ANK3: variants seen among roughly 807,000 people sequenced by gnomAD.
The protein encoded by ANK3 is ankyrin-3.
A neutral mutation model predicts 370.9 loss-of-function variants in ANK3; 57 were observed. The observed-to-expected ratio is 0.15, with a 90% CI of 0.12 to 0.19. ANK3 has a LOEUF of 0.19. Ranked by LOEUF, ANK3 falls within the 10% of genes least tolerant of loss-of-function variation. The pLI is 1.00. For synonymous variants in ANK3, 1,929 were observed against 1,946.3 expected, an observed-to-expected ratio of 0.99 and a Z score of 0.23; for missense variants, 4,439 against 5,302.1, an observed-to-expected ratio of 0.84 and a Z score of 5.06.
Position 60,181,330 on chromosome 10 carries a change from T to A in ANK3, c.2183A>T (p.Lys728Met), listed in dbSNP as rs138539461. 2.4e-5 allele frequency: 39 copies of A among 1,613,918 alleles called. No homozygotes were observed. Among genetic ancestry groups the A allele is most frequent in the Non-Finnish European group, 2.9e-5 (34 of 1,179,886 alleles). The change falls in exon 18 of 44, where the codon AAG becomes ATG. Residue 728 changes from lysine (K) to methionine (M), a missense_variant and splice_region_variant. By Grantham distance (95) the Lys-to-Met change is moderately conservative. This residue lies in a region of ANK3 where 702 missense variants were observed against 941.5 expected (regional missense o/e 0.75). Transcript: ENST00000280772. ...GTGTGGCAAGGGAGGGCCGTATACC[T>A]TTGTCTGGGCGTCCACATGAGCCCC... Reference protein sequence around the residue: ...NQGAHVDAQTKMGYTPLHVGC... With the variant: ...NQGAHVDAQTMMGYTPLHVGC...
chr10:60,065,804 C>G (rs2081527138), intron 38 of ANK3, among the ~76,000 whole-genome samples: 1 of 152,028 alleles, frequency 6.6e-6, no homozygotes, highest in Admixed American at 6.6e-5. Flanking sequence ...AAAACAAAAA[C>G]AAAGTATGAA....
intron 1 of ANK3, among the ~76,000 whole-genome samples, chr10:60,373,716 A>T (rs1214387704): frequency 6.6e-6 from 1 of 152,174 alleles, no homozygotes; most frequent in Non-Finnish European, 1.5e-5. Flanking sequence ...GGCATGGAGG[A>T]TCTCTCCCTT....
intron 23 of ANK3, among the ~76,000 whole-genome samples, chr10:60,153,106 C>T (rs1045995953): frequency 2.0e-5 from 3 of 152,118 alleles, no homozygotes; most frequent in African/African-American, 7.2e-5. Context: ...CAGTGTGGTA[C>T]AGGCAGACAA....
chr10:60,100,344 C>A (rs758095840), intron 28 of ANK3, among the ~76,000 whole-genome samples: 2 of 141,520 alleles, frequency 1.4e-5, no homozygotes, highest in African/African-American at 2.6e-5. Flanking sequence ...ATTTCTCCAG[C>A]AGATGGTGCT....
chr10:60,112,724 A>C (rs1231542552), intron 26 of ANK3, among the ~76,000 whole-genome samples: 1 of 152,226 alleles, frequency 6.6e-6, no homozygotes, highest in Non-Finnish European at 1.5e-5. Context: ...GAGACAATAC[A>C]TGTAAAAGAT....
rs1157448144 is a variant in ANK3, at chr10:60,088,255, G to A, written c.3432C>T (p.Ser1144=). 5.6e-6 allele frequency: 9 copies of A among 1,614,076 alleles called. No individual in the cohort carries two copies. Among genetic ancestry groups the A allele is most frequent in the Non-Finnish European group, 5.9e-6 (7 of 1,180,022 alleles). The part of the protein sequence containing the change: ...FAVVSRIKQE[S]NQIGPEGGIL... ...TTCCACCTTCAGGACCAATCTGGTT[G>A]CTTTCCTGCTTAATCCGGGAAACCA... The change falls in exon 29 of 44, where the codon AGC becomes AGT. Residue 1144 remains serine, a synonymous_variant. Coordinates refer to ENST00000280772, the MANE Select transcript of ANK3 (RefSeq NM_020987.5).
chr10:60,338,970 T>C (rs2053651883), intron 1 of ANK3, among the ~76,000 whole-genome samples: 1 of 152,084 alleles, frequency 6.6e-6, no homozygotes, highest in African/African-American at 2.4e-5. Flanking sequence ...CATGAAGTCT[T>C]GGGGAGAGCT....
chr10:60,686,459 T>C (rs1249545270), intron 1 of ANK3, among the ~76,000 whole-genome samples: 1 of 152,204 alleles, frequency 6.6e-6, no homozygotes, highest in African/African-American at 2.4e-5. Flanking sequence ...GGGATGAAGC[T>C]ATAAAATTCA....
At chr10:60,139,318 T>C (rs1234126362) in intron 23 of ANK3, 1 of 484,862 alleles carries the variant, frequency 2.1e-6, no homozygotes, top group African/African-American at 2.0e-5. Flanking sequence ...TGGTATTAAA[T>C]ACAAATCTGA....
rs573981328 is a variant in ANK3, at chr10:60,521,987, C to T, written c.96+93199G>A. Among the ~76,000 whole-genome samples the T allele has an allele frequency of 7.9e-5, 12 of 152,172 alleles. No individual in the cohort carries two copies. In the East Asian group the frequency reaches 2.1e-3, roughly 27 times the overall value. ...AGGGGAGACTAGGTAGCATTGCTGC[C>T]ATTAAGGGACTAAGAATACCTTGGG... On this transcript the variant is annotated intron_variant, in intron 2 of 43. Coordinates refer to the ANK3 transcript ENST00000373827.
intron 43 of ANK3, among the ~76,000 whole-genome samples, chr10:60,039,489 C>T (rs1048843309): frequency 6.6e-6 from 1 of 152,178 alleles, no homozygotes; most frequent in African/African-American, 2.4e-5. Context: ...TGAGTCCTTT[C>T]ACTGTGTAGA....
chr10:60,404,124 A>G (rs910349899), intron 2 of ANK3, among the ~76,000 whole-genome samples: 1 of 152,178 alleles, frequency 6.6e-6, no homozygotes, highest in Admixed American at 6.5e-5. Flanking sequence ...AAAATCTACT[A>G]CACTCAAGGA....
intron 2 of ANK3, among the ~76,000 whole-genome samples, chr10:60,577,468 G>A (rs2077697330): frequency 6.6e-6 from 1 of 152,110 alleles, no homozygotes. Context: ...ATGGGGGCAG[G>A]TTTTCCTTGC....
In ANK3 at chr10:60,556,576, C is replaced by T. The variant is rs1183296671; in HGVS notation, c.96+58610G>A. Reference sequence around the variant, plus strand: ...AACAGTGTCACTGTCTTTATCCACACATCCAGTCCCACTATTTCCATATCT... The same window carrying T: ...AACAGTGTCACTGTCTTTATCCACATATCCAGTCCCACTATTTCCATATCT... On this transcript the variant is annotated intron_variant, in intron 2 of 43. Coordinates refer to the ANK3 transcript ENST00000373827. 3.9e-5 allele frequency among the ~76,000 whole-genome samples: 6 copies of T among 152,178 alleles called. 1 individual carries two copies. Among genetic ancestry groups the T allele is most frequent in the Admixed American group, 3.9e-4 (6 of 15,270 alleles).
chr10:60,403,935 G>A (rs1165398962), intron 2 of ANK3, among the ~76,000 whole-genome samples: 2 of 152,134 alleles, frequency 1.3e-5, no homozygotes, highest in Admixed American at 6.6e-5. Context: ...GAAATCAGCT[G>A]TATTTTGTAT....
At chr10:60,180,626 C>CAA (rs1565506436) in intron 18 of ANK3, among the ~76,000 whole-genome samples, 6 of 119,298 alleles carry the variant, frequency 5.0e-5, no homozygotes, top group African/African-American at 9.4e-5. Flanking sequence ...AAAAAAAAAA[C>CAA]ATGTTAGAGT....
intron 1 of ANK3, among the ~76,000 whole-genome samples, chr10:60,662,293 A>G (rs2078944934): frequency 6.6e-6 from 1 of 152,188 alleles, no homozygotes; most frequent in African/African-American, 2.4e-5. Context: ...GAAACATAGT[A>G]TGTGCCCACT....
In ANK3 at chr10:60,270,203, T is replaced by C; in HGVS notation, c.441A>G (p.Ala147=). 6.2e-7 allele frequency: 1 copy of C among 1,600,276 alleles called. No homozygotes were observed. The highest frequency in any genetic ancestry group is 1.1e-5 in the South Asian group (1 of 89,142). The change falls in exon 5 of 44, where the codon GCA becomes GCG. Residue 147 remains alanine, a synonymous_variant. Coordinates refer to ENST00000280772, the MANE Select transcript of ANK3 (RefSeq NM_020987.5). ...CAACTTCCAGGTGATTTTCCTGGGCTGCCATATACAATGGCGTGAAACCAT... is the reference window on the plus strand; with the variant it reads ...CAACTTCCAGGTGATTTTCCTGGGCCGCCATATACAATGGCGTGAAACCAT... ...SQNGFTPLYM[A]AQENHLEVVK...
At chr10:60,692,367 G>C (rs966883134) in intron 1 of ANK3, among the ~76,000 whole-genome samples, 4 of 152,302 alleles carry the variant, frequency 2.6e-5, no homozygotes, top group African/African-American at 9.6e-5. Context: ...CCTCAAATGA[G>C]GGTCTTCAAA....
Sources: gnomAD v4.1 joint callset for allele counts (sites outside exome capture counted in the v4.1 genomes callset) on GRCh38, gnomAD v4.1.1 for gene constraint, gnomAD v4.1.1 regional missense constraint, MANE v1.5 for transcripts, NCBI Gene and HGNC (gene_info 2026-07-23, HGNC 2026-07-21) for gene names.